THSD4: variants seen among roughly 807,000 people sequenced by gnomAD.
THSD4 encodes the protein thrombospondin type-1 domain-containing protein 4.
A neutral mutation model predicts 119.0 loss-of-function variants in THSD4; 69 were observed. The observed-to-expected ratio is 0.58, with a 90% CI of 0.48 to 0.71. The LOEUF is 0.71. Ranked by LOEUF, THSD4 falls within the 30% of genes least tolerant of loss-of-function variation. The pLI is 0.00. For synonymous variants in THSD4, 524 were observed against 540.4 expected, an observed-to-expected ratio of 0.97 and a Z score of 0.42; for missense variants, 1,393 against 1,391.1, an observed-to-expected ratio of 1.00 and a Z score of -0.02.
chr15:71,136,720 C>T (rs2040555225), intron 1 of THSD4, among the ~76,000 whole-genome samples: 2 of 152,006 alleles, frequency 1.3e-5, no homozygotes, highest in Admixed American at 6.5e-5. Flanking sequence ...CTTCCTGAAC[C>T]CCGACTTGAG....
At chr15:71,447,161 G>A (rs142710941) in intron 7 of THSD4, among the ~76,000 whole-genome samples, 2,060 of 113,816 alleles carry the variant, frequency 0.018, 15 homozygotes, top group Non-Finnish European at 0.022. Flanking sequence ...TCACTCTGTC[G>A]CCAGGCTGGA....
chr15:71,581,917 A>C (rs1270256556), intron 7 of THSD4, among the ~76,000 whole-genome samples: 2 of 152,096 alleles, frequency 1.3e-5, no homozygotes, highest in African/African-American at 4.8e-5. Flanking sequence ...TTACTGTAGC[A>C]TTATAATATT....
intron 8 of THSD4, among the ~76,000 whole-genome samples, chr15:71,668,716 C>A (rs1595846856): frequency 6.6e-6 from 1 of 152,302 alleles, no homozygotes; most frequent in East Asian, 1.9e-4. Context: ...TAGAACTTAG[C>A]CTTTTAACAA....
chr15:71,745,157 C>T lies in THSD4; in HGVS notation c.1958C>T (p.Ala653Val), dbSNP rs865954972. 3 of 1,612,714 alleles carry T rather than the reference C, an allele frequency of 1.9e-6. No homozygotes were observed. The highest frequency in any genetic ancestry group is 2.2e-5 in the East Asian group (1 of 44,880). Reference protein sequence around the residue: ...RCVHRSTHEEAPESYCDSSMK... With the variant: ...RCVHRSTHEEVPESYCDSSMK... ...GTGCACAGAAGCACTCATGAAGAGGCTCCTGAGAGTTACTGTGACTCCAGC... is the reference window on the plus strand; with the variant it reads ...GTGCACAGAAGCACTCATGAAGAGGTTCCTGAGAGTTACTGTGACTCCAGC... The change falls in exon 12 of 18, where the codon GCT (alanine) becomes GTT (valine). Residue 653 changes from alanine (A) to valine (V), a missense_variant. Ala to Val is a moderately conservative substitution (Grantham distance 64, BLOSUM62 0). Coordinates refer to ENST00000261862, the MANE Select transcript of THSD4 (RefSeq NM_024817.3).
intron 6 of THSD4, among the ~76,000 whole-genome samples, chr15:71,359,776 C>CTCCA: frequency 6.6e-6 from 1 of 152,282 alleles, no homozygotes; most frequent in South Asian, 2.1e-4. Context: ...TGCCACTGCA[C>CTCCA]TCCAGCCTGA....
chr15:71,367,217 CTT>C (rs565677357), intron 6 of THSD4, among the ~76,000 whole-genome samples: 37 of 138,802 alleles, frequency 2.7e-4, no homozygotes, highest in Middle Eastern at 3.5e-3. Context: ...GCTAGGCTCT[CTT>C]TTTTTTTTTT....
intron 7 of THSD4, among the ~76,000 whole-genome samples, chr15:71,447,609 A>C (rs969490323): frequency 1.3e-5 from 2 of 152,206 alleles, no homozygotes; most frequent in Non-Finnish European, 2.9e-5. Context: ...TATCTGTCAT[A>C]GTTACTGGCA....
At chr15:71,382,127 A>G (rs1294097258) in intron 6 of THSD4, among the ~76,000 whole-genome samples, 2 of 152,208 alleles carry the variant, frequency 1.3e-5, no homozygotes, top group Non-Finnish European at 2.9e-5. Flanking sequence ...AGAAGTTTAC[A>G]TAGTTGTAGG....
intron 7 of THSD4, among the ~76,000 whole-genome samples, chr15:71,519,185 G>C (rs1017532332): frequency 6.6e-5 from 10 of 152,040 alleles, no homozygotes; most frequent in African/African-American, 2.4e-4. Context: ...AAAGGCCCTG[G>C]GGTGATTGAG....
At chr15:71,564,775 GTATATTATAACA>G in intron 7 of THSD4, among the ~76,000 whole-genome samples, 1 of 7,748 alleles carries the variant, frequency 1.3e-4, no homozygotes, top group Admixed American at 7.8e-4. Context: ...AATATATATT[GTATATTATAACA>G]TATAATACAA....
chr15:71,756,500 A>T (rs555122101), intron 14 of THSD4, among the ~76,000 whole-genome samples: 1 of 152,282 alleles, frequency 6.6e-6, no homozygotes, highest in South Asian at 2.1e-4. Context: ...GAAAAGATAA[A>T]GTTTAGGTGT....
intron 7 of THSD4, among the ~76,000 whole-genome samples, chr15:71,499,410 A>G (rs1347189431): frequency 1.3e-5 from 2 of 151,658 alleles, no homozygotes; most frequent in African/African-American, 4.9e-5. Flanking sequence ...ACCATGTACT[A>G]TATTTTCCAT....
chr15:71,313,889 TA>T (rs1338132124), intron 6 of THSD4, among the ~76,000 whole-genome samples: 5 of 152,156 alleles, frequency 3.3e-5, no homozygotes, highest in Admixed American at 6.5e-5. Context: ...CTTAGGTAGT[TA>T]GAAAAAAACA....
intron 6 of THSD4, among the ~76,000 whole-genome samples, chr15:71,280,018 C>T (rs1271161044): frequency 6.6e-6 from 1 of 152,148 alleles, no homozygotes; most frequent in African/African-American, 2.4e-5. Flanking sequence ...GCACGTGTAT[C>T]AGTGTTGGAC....
chr15:71,747,278 C>G (rs1337979210), intron 13 of THSD4, among the ~76,000 whole-genome samples: 1 of 152,216 alleles, frequency 6.6e-6, no homozygotes, highest in Non-Finnish European at 1.5e-5. Context: ...GGGGAGCCCT[C>G]TGATACTGGC....
At chr15:71,654,917 C>T (rs2140986612) in intron 7 of THSD4, among the ~76,000 whole-genome samples, 1 of 152,270 alleles carries the variant, frequency 6.6e-6, no homozygotes, top group South Asian at 2.1e-4. Flanking sequence ...ATGCCTGGCA[C>T]CAGCCTACCC....
chr15:71,517,054 TA>T (rs912758484), intron 7 of THSD4, among the ~76,000 whole-genome samples: 45 of 152,302 alleles, frequency 3.0e-4, no homozygotes, highest in African/African-American at 1.1e-3. Flanking sequence ...CCAGGGCACT[TA>T]AAGCAGCAGA....
chr15:71,622,612 T>G (rs1004398360), intron 7 of THSD4, among the ~76,000 whole-genome samples: 1 of 152,236 alleles, frequency 6.6e-6, no homozygotes, highest in Non-Finnish European at 1.5e-5. Flanking sequence ...TTTTTCAAGA[T>G]GTTCAATCTA....
chr15:71,676,805 C>T (rs2051660814), intron 8 of THSD4, among the ~76,000 whole-genome samples: 1 of 152,144 alleles, frequency 6.6e-6, no homozygotes, highest in Non-Finnish European at 1.5e-5. Context: ...ACCAGAATTT[C>T]ATTTCTTTTT....
Sources: gnomAD v4.1 joint callset for allele counts (sites outside exome capture counted in the v4.1 genomes callset) on GRCh38, gnomAD v4.1.1 for gene constraint, MANE v1.5 for transcripts, NCBI Gene and HGNC (gene_info 2026-07-23, HGNC 2026-07-21) for gene names.